TLK1: variants seen among roughly 807,000 people sequenced by gnomAD.
The protein encoded by TLK1 is tousled like kinase 1, also known as serine/threonine-protein kinase tousled-like 1.
TLK1 carries 24 observed loss-of-function variants against 105.3 expected under a neutral mutation model. That is an observed-to-expected ratio of 0.23 (90% CI 0.17 to 0.32). The LOEUF (loss-of-function observed/expected upper bound fraction) is 0.32. Ranked by LOEUF, TLK1 falls within the 10% of genes least tolerant of loss-of-function variation. TLK1 has a pLI of 1.00. For missense variants in TLK1, 558 were observed against 910.5 expected (o/e 0.61, Z 4.98); for synonymous variants, 321 against 310.4 (o/e 1.03, Z -0.36).
At chr2:171,143,188 G>C (rs1691654001) in intron 1 of TLK1, among the ~76,000 whole-genome samples, 1 of 152,144 alleles carries the variant, frequency 6.6e-6, no homozygotes, top group South Asian at 2.1e-4. Flanking sequence ...AATGGTAAAT[G>C]AATAGACAAG....
chr2:171,218,842 T>C (rs916500290), intron 1 of TLK1, among the ~76,000 whole-genome samples: 2 of 152,194 alleles, frequency 1.3e-5, no homozygotes, highest in African/African-American at 4.8e-5. Flanking sequence ...CTTAATACCC[T>C]TGCATTAGAC....
chr2:171,051,436 G>T (rs182976069), intron 8 of TLK1, among the ~76,000 whole-genome samples: 5 of 152,172 alleles, frequency 3.3e-5, no homozygotes, highest in Admixed American at 3.3e-4. Context: ...CAAGAAGGCT[G>T]CACACAGAAT....
In TLK1 at chr2:171,046,378, CAAAT is replaced by C; in HGVS notation, c.981-20_981-17del. On this transcript the variant is annotated splice_polypyrimidine_tract_variant and intron_variant, in intron 10 of 20. Transcript: ENST00000431350. ...TTCTTGTTGCCTGTGTAAAAATAAACAAATAAAACCATATTAACCTTCCATTACT... is the reference window on the plus strand; with the variant it reads ...TTCTTGTTGCCTGTGTAAAAATAAACAAAACCATATTAACCTTCCATTACT... 2.5e-6 allele frequency: 4 copies of C among 1,571,714 alleles called. No individual in the cohort carries two copies. Among genetic ancestry groups the C allele is most frequent in the Non-Finnish European group, 3.4e-6 (4 of 1,162,764 alleles).
At chr2:171,212,003 G>A (rs932639619) in intron 1 of TLK1, among the ~76,000 whole-genome samples, 3 of 151,722 alleles carry the variant, frequency 2.0e-5, no homozygotes, top group African/African-American at 4.8e-5. Context: ...GCACCACTAC[G>A]CCCAGCTAAT....
At chr2:170,998,302 A>T (rs951117882) in intron 18 of TLK1, among the ~76,000 whole-genome samples, 3 of 152,192 alleles carry the variant, frequency 2.0e-5, no homozygotes, top group African/African-American at 7.2e-5. Context: ...CTTACTGCCA[A>T]CAAGACCTTG....
intron 12 of TLK1, among the ~76,000 whole-genome samples, chr2:171,024,734 T>G (rs1212216781): frequency 6.6e-6 from 1 of 152,188 alleles, no homozygotes; most frequent in African/African-American, 2.4e-5. Context: ...TATATATAGA[T>G]CTGGGCTTTC....
chr2:171,167,323 G>A (rs1455349006), intron 1 of TLK1, among the ~76,000 whole-genome samples: 1 of 152,146 alleles, frequency 6.6e-6, no homozygotes, highest in Non-Finnish European at 1.5e-5. Context: ...GGCCTCCTCT[G>A]CCTGGACTCA....
intron 1 of TLK1, among the ~76,000 whole-genome samples, chr2:171,171,227 G>A (rs1315884067): frequency 6.6e-6 from 1 of 152,146 alleles, no homozygotes; most frequent in Non-Finnish European, 1.5e-5. Context: ...GAGACCGGGT[G>A]CAGTGGCTCA....
Position 170,997,704 on chromosome 2 carries a change from C to T in TLK1, c.2016+8G>A. On this transcript the variant is annotated splice_region_variant and intron_variant, in intron 19 of 20. Transcript: ENST00000431350. ...TGTAGAGCTGAAGGCTGGTAGAATT[C>T]AATTTACCTTTCTACCATAAAGACA... 6.4e-7 allele frequency: 1 copy of T among 1,552,696 alleles called. No individual in the cohort carries two copies. Among genetic ancestry groups the T allele is most frequent in the Non-Finnish European group, 8.8e-7 (1 of 1,136,564 alleles).
chr2:171,205,572 C>A (rs1341826046), intron 1 of TLK1, among the ~76,000 whole-genome samples: 3 of 151,928 alleles, frequency 2.0e-5, no homozygotes, highest in African/African-American at 7.3e-5. Context: ...GATCCTCCCA[C>A]CTTGGCCTCC....
intron 3 of TLK1, chr2:171,066,872 T>A (rs1160809108): frequency 1.3e-6 from 2 of 1,552,464 alleles, no homozygotes; most frequent in Non-Finnish European, 1.7e-6. Context: ...CATACAAGAA[T>A]AAAACAGCCA....
chr2:171,149,723 T>C lies in TLK1; in HGVS notation c.139+10567A>G, dbSNP rs1408434626. 7.9e-5 allele frequency among the ~76,000 whole-genome samples: 12 copies of C among 152,028 alleles called. No homozygotes were observed. In the East Asian group the frequency reaches 1.7e-3, roughly 22 times the overall value. ...GGGTTCAAGACCAGCCTGGGCAACA[T>C]AGGGAGACCATGTCTCCACAAAAAG... is the stretch of plus-strand genomic sequence containing the variant. On this transcript the variant is annotated intron_variant, in intron 1 of 20. Transcript: ENST00000431350.
chr2:171,150,430 C>T (rs937170333), intron 1 of TLK1, among the ~76,000 whole-genome samples: 1 of 152,194 alleles, frequency 6.6e-6, no homozygotes, highest in African/African-American at 2.4e-5. Flanking sequence ...AGGAAAACTA[C>T]ACCTCATCCA....
chr2:171,159,958 G>C, intron 1 of TLK1: 1 of 243,662 alleles, frequency 4.1e-6, no homozygotes, highest in South Asian at 1.6e-4. Flanking sequence ...ACTGGCAAAT[G>C]GAGCAGAAAG....
chr2:171,042,408 C>A (rs949004809), intron 11 of TLK1, among the ~76,000 whole-genome samples: 2 of 151,928 alleles, frequency 1.3e-5, no homozygotes, highest in Non-Finnish European at 2.9e-5. Context: ...CCACACTTGG[C>A]TAATTTTTTT....
At chr2:171,101,085 C>T in intron 2 of TLK1, among the ~76,000 whole-genome samples, 1 of 151,914 alleles carries the variant, frequency 6.6e-6, no homozygotes, top group Non-Finnish European at 1.5e-5. Context: ...CAGTGGCTCA[C>T]ACCTGTAATC....
Position 170,996,634 on chromosome 2 carries a change from A to C in TLK1, c.2124+19T>G, listed in dbSNP as rs775832565. On this transcript the variant is annotated intron_variant, in intron 20 of 20. Coordinates refer to ENST00000431350, the MANE Select transcript of TLK1 (RefSeq NM_012290.5). The stretch of plus-strand genomic sequence containing the variant: ...AAAGAAAAGTTACTTCACAAAACTC[A>C]TTTACAAAAATTTAATACCTTGGCT... The C allele has an allele frequency of 6.3e-7, 1 of 1,594,770 alleles. No homozygotes were observed. The highest frequency in any genetic ancestry group is 8.5e-7 in the Non-Finnish European group (1 of 1,169,722).
In TLK1 at chr2:171,171,296, G is replaced by A. The variant is rs560861963; in HGVS notation, c.-5-53439C>T. 4.6e-5 allele frequency among the ~76,000 whole-genome samples: 7 copies of A among 152,202 alleles called. No individual in the cohort carries two copies. In the East Asian group the frequency reaches 9.6e-4, roughly 21 times the overall value. On this transcript the variant is annotated intron_variant, in intron 1 of 20. Coordinates refer to the TLK1 transcript ENST00000521943. ...CAGGTGGAGGGAGGTCAAAGCTACAGTGAACTGAGATCACGCCACTGCACT... is the reference window on the plus strand; with the variant it reads ...CAGGTGGAGGGAGGTCAAAGCTACAATGAACTGAGATCACGCCACTGCACT...
chr2:171,082,906 G>T, intron 2 of TLK1, 54 bp from the exon 3 acceptor site: 1 of 1,237,968 alleles, frequency 8.1e-7, no homozygotes, highest in South Asian at 1.3e-5. Context: ...TTAAAGCAGC[G>T]GGAATAATTT....
Sources: allele counts gnomAD v4.1 joint callset (sites outside exome capture counted in the v4.1 genomes callset), GRCh38; gene constraint gnomAD v4.1.1; transcripts MANE v1.5; gene names NCBI Gene and HGNC (gene_info 2026-07-23, HGNC 2026-07-21).